The following PXYLP1 variants were observed in gnomAD, a reference collection of about 807,000 sequenced individuals.
PXYLP1 encodes the protein acid phosphatase-like 2.
PXYLP1 carries 17 observed loss-of-function variants against 37.9 expected under a neutral mutation model. The ratio of observed to expected loss-of-function variants is 0.45; its 90% CI spans 0.31 to 0.67. The LOEUF (loss-of-function observed/expected upper bound fraction) is 0.67, where lower values mean the gene tolerates loss of function less well. Among genes scored for constraint, PXYLP1 ranks in the 30% least tolerant of loss-of-function variants. The pLI is 0.07. For missense variants in PXYLP1, 511 were observed against 612.0 expected, an observed-to-expected ratio of 0.84 and a Z score of 1.74; for synonymous variants, 221 against 232.2, an observed-to-expected ratio of 0.95 and a Z score of 0.44.
rs62281960 is a variant in PXYLP1, at chr3:141,241,331, C to T, written c.-54+9420C>T. On this transcript the variant is annotated intron_variant, in intron 1 of 5. Coordinates refer to ENST00000286353, the MANE Select transcript of PXYLP1 (RefSeq NM_001037172.3). ...CTTTTTCCCACCCTCCCTCCCTTCCCCTACACACCTGTTGAGCACCTGCTG... is the reference window on the plus strand; with the variant it reads ...CTTTTTCCCACCCTCCCTCCCTTCCTCTACACACCTGTTGAGCACCTGCTG... 4.3e-3 allele frequency among the ~76,000 whole-genome samples: 647 copies of T among 151,796 alleles called. 2 individuals carry two copies. The highest frequency in any genetic ancestry group is 5.3e-3 in the Non-Finnish European group (360 of 67,918).
At chr3:141,270,684 G>T (rs1274236911) in intron 2 of PXYLP1, among the ~76,000 whole-genome samples, 1 of 152,176 alleles carries the variant, frequency 6.6e-6, no homozygotes, top group Non-Finnish European at 1.5e-5. Flanking sequence ...TCTCAGATAA[G>T]CTGAATGTAT....
At chr3:141,278,916 G>A (rs1020120016) in intron 3 of PXYLP1, among the ~76,000 whole-genome samples, 1 of 152,248 alleles carries the variant, frequency 6.6e-6, no homozygotes, top group African/African-American at 2.4e-5. Context: ...TGCCATAGAA[G>A]TGAGGCAATT....
chr3:141,290,686 TG>T (rs1559898196), intron 5 of PXYLP1, among the ~76,000 whole-genome samples: 1 of 152,190 alleles, frequency 6.6e-6, no homozygotes, highest in African/African-American at 2.4e-5. Context: ...GGCATGAAAA[TG>T]TAAGGGTCTA....
intron 2 of PXYLP1, among the ~76,000 whole-genome samples, chr3:141,269,935 T>G (rs1941619675): frequency 6.6e-6 from 1 of 152,204 alleles, no homozygotes; most frequent in African/African-American, 2.4e-5. Context: ...CAACTGGGGC[T>G]CAAGCCCAGG....
intron 1 of PXYLP1, among the ~76,000 whole-genome samples, chr3:141,257,107 G>T (rs776969489): frequency 7.2e-5 from 11 of 152,240 alleles, no homozygotes; most frequent in Non-Finnish European, 1.0e-4. Context: ...CGTGCCTACA[G>T]ATGAGGATAT....
At position 141,292,252 on chromosome 3, in the gene PXYLP1, T is replaced by C. The variant is rs1213811767; in HGVS notation, c.506-16T>C. On this transcript the variant is annotated splice_polypyrimidine_tract_variant and intron_variant, in intron 5 of 5. Transcript: ENST00000286353. The surrounding 1 kb of genome is among the most constrained non-coding windows in gnomAD (Gnocchi z 4.3). The stretch of plus-strand genomic sequence containing the variant: ...TCAGCTGGAAGTAAGGTAAGCTTTG[T>C]GTGCTTGTGTTTCAGGAGTTGTGCA... The C allele has an allele frequency of 1.3e-6, 2 of 1,566,232 alleles. No homozygotes were observed. Among genetic ancestry groups the C allele is most frequent in the Non-Finnish European group, 1.7e-6 (2 of 1,157,440 alleles).
Position 141,273,734 on chromosome 3 carries a change from A to G in PXYLP1, c.80-4608A>G, listed in dbSNP as rs551735140. On this transcript the variant is annotated intron_variant, in intron 2 of 5. Transcript: ENST00000286353. ...AAGTGATCGTAGATGAGATGAGCAG[A>G]GAACACCGCCATAAAAGAGAGGCTT... 5.1e-6 allele frequency: 5 copies of G among 985,444 alleles called. No homozygotes were observed. The East Asian group carries it at 3.4e-4, about 67-fold the overall frequency. The allele number at this position is 985,444 out of a possible 1,614,324, so 61.0% of individuals were successfully genotyped here.
intron 4 of PXYLP1, among the ~76,000 whole-genome samples, chr3:141,283,277 T>A (rs1309021432): frequency 6.6e-6 from 1 of 152,108 alleles, no homozygotes; most frequent in East Asian, 1.9e-4. Context: ...CCACCCTGCC[T>A]GGCCTAGTCT....
chr3:141,256,607 A>G (rs1176180892), intron 1 of PXYLP1, among the ~76,000 whole-genome samples: 5 of 152,332 alleles, frequency 3.3e-5, no homozygotes, highest in Admixed American at 1.3e-4. Context: ...AAACTTCTTC[A>G]AATCCATGTG....
intron 1 of PXYLP1, among the ~76,000 whole-genome samples, chr3:141,240,565 A>AG (rs1346137425): frequency 6.6e-6 from 1 of 152,066 alleles, no homozygotes; most frequent in East Asian, 1.9e-4. Flanking sequence ...ATACCTTCCA[A>AG]GGGGAGGAAA....
chr3:141,275,756 G>GTT (rs1941777232), intron 2 of PXYLP1, among the ~76,000 whole-genome samples: 1 of 147,822 alleles, frequency 6.8e-6, no homozygotes, highest in African/African-American at 2.5e-5. Flanking sequence ...TGTGATTGTT[G>GTT]TTTTGGTAAC....
rs1304255614 is a variant in PXYLP1 at position 141,292,545 on chromosome 3, G to C, written c.783G>C (p.Gln261His). The C allele has an allele frequency of 6.2e-7, 1 of 1,614,208 alleles. No individual in the cohort carries two copies. Among genetic ancestry groups the C allele is most frequent in the Middle Eastern group, 1.6e-4 (1 of 6,062 alleles). The change falls in exon 6 of 6, where the codon CAG becomes CAC. Residue 261 changes from glutamine (Q) to histidine (H), a missense_variant. Gln to His is a conservative substitution (Grantham distance 24). Transcript: ENST00000286353. This position sits in a 1 kb window ranked among gnomAD's most constrained non-coding sequence, Gnocchi z 4.3. The part of the protein sequence containing the change: ...NQYLEKEQRR[Q>H]YLLRLKNSQL... ...ATCTGGAAAAGGAGCAGCGTCGTCAGTACCTCCTACGTTTGAAAAACAGCC... is the reference window on the plus strand; with the variant it reads ...ATCTGGAAAAGGAGCAGCGTCGTCACTACCTCCTACGTTTGAAAAACAGCC...
At chr3:141,266,865 AAAAT>A (rs1287777652) in intron 2 of PXYLP1, among the ~76,000 whole-genome samples, 1 of 152,130 alleles carries the variant, frequency 6.6e-6, no homozygotes, top group African/African-American at 2.4e-5. Flanking sequence ...GCTAAGAAAG[AAAAT>A]AACAATGCTT....
chr3:141,293,007 T>C lies in PXYLP1; in HGVS notation c.1245T>C (p.Ser415=), dbSNP rs1195618635. The part of the protein sequence containing the change: ...FELWQDREKP[S]EHSVRILYNG... ...TTTGGCAAGACAGAGAAAAGCCCAGTGAACATTCCGTCCGGATTCTTTACA... is the reference window on the plus strand; with the variant it reads ...TTTGGCAAGACAGAGAAAAGCCCAGCGAACATTCCGTCCGGATTCTTTACA... Residue 415 remains serine, a synonymous_variant, in exon 6 of 6, where the codon AGT becomes AGC. Coordinates refer to ENST00000286353, the MANE Select transcript of PXYLP1 (RefSeq NM_001037172.3). 1.2e-6 allele frequency: 2 copies of C among 1,614,122 alleles called. No homozygotes were observed. Among genetic ancestry groups the C allele is most frequent in the African/African-American group, 2.7e-5 (2 of 74,948 alleles).
At chr3:141,245,386 G>A (rs1028333577) in intron 1 of PXYLP1, among the ~76,000 whole-genome samples, 9 of 152,148 alleles carry the variant, frequency 5.9e-5, no homozygotes, top group Admixed American at 5.2e-4. Flanking sequence ...ATTTTTAAAT[G>A]TATATTTCTT....
intron 2 of PXYLP1, among the ~76,000 whole-genome samples, chr3:141,261,722 C>G (rs1941398481): frequency 6.6e-6 from 1 of 150,818 alleles, no homozygotes; most frequent in Non-Finnish European, 1.5e-5. Context: ...GGACCACATC[C>G]TGTTTCTCTC....
chr3:141,264,051 G>A (rs1941453783), intron 2 of PXYLP1, among the ~76,000 whole-genome samples: 1 of 152,186 alleles, frequency 6.6e-6, no homozygotes, highest in Non-Finnish European at 1.5e-5. Flanking sequence ...GCCATGATGG[G>A]GTTAATTTAT....
intron 1 of PXYLP1, among the ~76,000 whole-genome samples, chr3:141,240,498 A>G (rs1312618244): frequency 1.3e-5 from 2 of 152,096 alleles, no homozygotes; most frequent in Non-Finnish European, 1.5e-5. Flanking sequence ...GGCCAGGCTC[A>G]GAGGTGCTGA....
intron 1 of PXYLP1, among the ~76,000 whole-genome samples, chr3:141,255,026 C>T (rs1941234438): frequency 3.9e-5 from 6 of 152,138 alleles, no homozygotes; most frequent in South Asian, 4.1e-4. Context: ...GGTGGTAGAA[C>T]GGTAGCTTGT....
Sources: gnomAD v4.1 joint callset for allele counts (sites outside exome capture counted in the v4.1 genomes callset) on GRCh38, gnomAD v4.1.1 for gene constraint, Gnocchi (gnomAD v3.1) non-coding constraint, MANE v1.5 for transcripts, NCBI Gene and HGNC (gene_info 2026-07-23, HGNC 2026-07-21) for gene names.